The following EMG1 variants were observed in gnomAD, a reference collection of about 807,000 sequenced individuals.
The protein encoded by EMG1 is EMG1 N1-specific pseudouridine methyltransferase, also known as ribosomal RNA small subunit methyltransferase NEP1.
In EMG1, 24 loss-of-function variants were observed where a neutral mutation model predicts 26.9. The observed-to-expected ratio is 0.89, with a 90% CI of 0.65 to 1.26. The LOEUF (loss-of-function observed/expected upper bound fraction) is 1.26. Ranked by LOEUF, EMG1 falls within the 50% of genes most tolerant of loss-of-function variation. EMG1 has a pLI of 0.00. For synonymous variants in EMG1, 140 were observed against 112.6 expected (o/e 1.24, Z -1.54); for missense variants, 299 against 307.6 (o/e 0.97, Z 0.21).
downstream of EMG1, among the ~76,000 whole-genome samples, chr12:6,982,492 A>G (rs1946480137): frequency 6.6e-6 from 1 of 152,160 alleles, no homozygotes; most frequent in African/African-American, 2.4e-5. Flanking sequence ...AAGAGTTACC[A>G]TTACAATCTG....
intron 7 of EMG1, among the ~76,000 whole-genome samples, chr12:6,993,402 C>G (rs1196324360): frequency 6.6e-6 from 1 of 151,688 alleles, no homozygotes; most frequent in Non-Finnish European, 1.5e-5. Flanking sequence ...CCACTGCACT[C>G]CAGCCTGGCA....
downstream of EMG1, chr12:6,981,740 G>T: frequency 7.2e-7 from 1 of 1,391,250 alleles, no homozygotes. Flanking sequence ...GAGGGGGGGT[G>T]CCGAGGAAGT....
At chr12:6,984,298 T>C (rs1318232325), downstream of EMG1, among the ~76,000 whole-genome samples, 1 of 152,234 alleles carries the variant, frequency 6.6e-6, no homozygotes, top group Non-Finnish European at 1.5e-5. Flanking sequence ...TTCTGATGGG[T>C]CATGAACTGA....
intron 1 of EMG1, 141 bp downstream of exon 1, chr12:6,971,232 C>A: frequency 1.5e-6 from 1 of 650,834 alleles, no homozygotes; most frequent in Non-Finnish European, 2.6e-6. Flanking sequence ...GTTGGCTTTG[C>A]GTTGATTTGA....
At chr12:6,974,782 A>C in intron 3 of EMG1, 89 bp downstream of exon 3, 1 of 1,399,896 alleles carries the variant, frequency 7.1e-7, no homozygotes, top group South Asian at 1.2e-5. Flanking sequence ...GTGGATTTTT[A>C]AGCGAGAAAA....
At chr12:6,982,025 T>G, downstream of EMG1, 1 of 643,062 alleles carries the variant, frequency 1.6e-6, no homozygotes, top group Non-Finnish European at 2.8e-6. Flanking sequence ...CTTAATAAAT[T>G]CCTACAAATG....
In EMG1 at chr12:6,978,711, G is replaced by A. The variant is rs1555153658; in HGVS notation, c.*2902G>A. The A allele has an allele frequency of 1.2e-6, 2 of 1,612,750 alleles. No individual in the cohort carries two copies. The highest frequency in any genetic ancestry group is 1.1e-5 in the South Asian group (1 of 90,826). On this transcript the variant is annotated 3_prime_UTR_variant, in exon 6 of 6. Transcript: ENST00000599672. ...GGTTCTTGAGGGAAGAAAGCACAGTGCATTAGGGATATCACATGACTAGGC... is the reference window on the plus strand; with the variant it reads ...GGTTCTTGAGGGAAGAAAGCACAGTACATTAGGGATATCACATGACTAGGC...
Position 6,971,037 on chromosome 12 carries a change from C to A in EMG1, c.114C>A (p.Ile38=). The change falls in exon 1 of 6, where the codon ATC becomes ATA. Residue 38 remains isoleucine, a synonymous_variant. Transcript: ENST00000599672. The part of the protein sequence containing the change: ...KRPRLGAGNK[I]GGRRLIVVLE... ...CCCGACTAGGGGCAGGAAACAAGAT[C>A]GGAGGCCGTAGGCTTATTGTGGTGC... The A allele has an allele frequency of 6.2e-7, 1 of 1,611,494 alleles. No individual in the cohort carries two copies. The highest frequency in any genetic ancestry group is 1.1e-5 in the South Asian group (1 of 90,506).
downstream of EMG1, among the ~76,000 whole-genome samples, chr12:6,990,503 C>T (rs765594925): frequency 1.0e-4 from 15 of 148,246 alleles, no homozygotes; most frequent in South Asian, 4.2e-4. Context: ...AGTGAGACTC[C>T]GCCTCAAAAA....
Position 6,977,813 on chromosome 12 carries a change from G to T in EMG1, c.*2004G>T. 1 of 1,587,394 alleles carries T rather than the reference G, an allele frequency of 6.3e-7. No individual in the cohort carries two copies. Among genetic ancestry groups the T allele is most frequent in the South Asian group, 1.1e-5 (1 of 88,360 alleles). ...CCTTGCATCCCGCCACCTGCCTCTGGGTCCTCACCCTGAGGATTGGATTGG... is the reference window on the plus strand; with the variant it reads ...CCTTGCATCCCGCCACCTGCCTCTGTGTCCTCACCCTGAGGATTGGATTGG... On this transcript the variant is annotated 3_prime_UTR_variant, in exon 6 of 6. Transcript: ENST00000599672. This position sits in a 1 kb window ranked among gnomAD's most constrained non-coding sequence, Gnocchi z 4.5.
downstream of EMG1, chr12:6,981,513 T>C (rs1946470750): frequency 7.3e-7 from 1 of 1,379,104 alleles, no homozygotes; most frequent in Admixed American, 1.7e-5. Flanking sequence ...CGCTCTGGAA[T>C]TTGGGTTCAG....
chr12:6,991,468 G>A (rs148162791), downstream of EMG1, among the ~76,000 whole-genome samples: 1 of 152,130 alleles, frequency 6.6e-6, no homozygotes, highest in African/African-American at 2.4e-5. Flanking sequence ...TCTAAATACT[G>A]ACATATTTCA....
At chr12:6,993,749 T>G (rs1733895152) in intron 7 of EMG1, among the ~76,000 whole-genome samples, 2 of 152,358 alleles carry the variant, frequency 1.3e-5, no homozygotes, top group Admixed American at 1.3e-4. Flanking sequence ...AATATCCCGT[T>G]GTATGGATAC....
At chr12:6,990,122 G>A (rs1428819195), downstream of EMG1, among the ~76,000 whole-genome samples, 5 of 151,494 alleles carry the variant, frequency 3.3e-5, no homozygotes, top group Middle Eastern at 3.2e-3. Flanking sequence ...AAGCTACAAT[G>A]AGCTACGATG....
chr12:6,989,964 G>A (rs1448783748), downstream of EMG1, among the ~76,000 whole-genome samples: 5 of 151,792 alleles, frequency 3.3e-5, no homozygotes, highest in Non-Finnish European at 7.4e-5. Context: ...CTGGAACCCA[G>A]GAGTTTGAGA....
In EMG1 at chr12:6,977,532, A is replaced by C; in HGVS notation, c.*1723A>C. 6.2e-7 allele frequency: 1 copy of C among 1,614,028 alleles called. No individual in the cohort carries two copies. Among genetic ancestry groups the C allele is most frequent in the Non-Finnish European group, 8.5e-7 (1 of 1,179,982 alleles). On this transcript the variant is annotated 3_prime_UTR_variant, in exon 6 of 6. Coordinates refer to ENST00000599672, the MANE Select transcript of EMG1 (RefSeq NM_006331.8). The surrounding 1 kb of genome is among the most constrained non-coding windows in gnomAD (Gnocchi z 4.5). ...CTTGAATGAGCCTGGCAGCCTGGGGAGGGAGGAGGAGCTCATCAGCATCTT... is the reference window on the plus strand; with the variant it reads ...CTTGAATGAGCCTGGCAGCCTGGGGCGGGAGGAGGAGCTCATCAGCATCTT...
At chr12:6,980,470 T>A (rs1481859201), downstream of EMG1, among the ~76,000 whole-genome samples, 1 of 152,104 alleles carries the variant, frequency 6.6e-6, no homozygotes, top group African/African-American at 2.4e-5. Flanking sequence ...ATTCTCCCAC[T>A]TCAGCCTCCT....
downstream of EMG1, among the ~76,000 whole-genome samples, chr12:6,990,916 C>CAAAA (rs59031613): frequency 1.3e-4 from 9 of 68,140 alleles, no homozygotes; most frequent in South Asian, 5.6e-4. Flanking sequence ...GACTCCAAAT[C>CAAAA]AAAAAAAAAA....
rs1591710937 is a variant in EMG1 at position 6,977,939 on chromosome 12, A to G, written c.*2130A>G. 1.1e-5 allele frequency: 7 copies of G among 635,054 alleles called. No homozygotes were observed. Among genetic ancestry groups the G allele is most frequent in the Non-Finnish European group, 1.9e-5 (7 of 372,902 alleles). 39.3% of individuals were successfully genotyped at this position (635,054 alleles called of 1,614,324 possible). A position where few individuals can be genotyped will look rare whatever the true frequency, so the allele number is the denominator to read the frequency against. On this transcript the variant is annotated 3_prime_UTR_variant, in exon 6 of 6. Coordinates refer to ENST00000599672, the MANE Select transcript of EMG1 (RefSeq NM_006331.8). The surrounding 1 kb of genome is among the most constrained non-coding windows in gnomAD (Gnocchi z 4.5). ...AAGCAGACCCAAGGCGGAGCTGGAGACCGTGTGCGCACGAGCCACTTGGTT... is the reference window on the plus strand; with the variant it reads ...AAGCAGACCCAAGGCGGAGCTGGAGGCCGTGTGCGCACGAGCCACTTGGTT...
Sources: allele counts gnomAD v4.1 joint callset (sites outside exome capture counted in the v4.1 genomes callset), GRCh38; gene constraint gnomAD v4.1.1; non-coding constraint Gnocchi (gnomAD v3.1); transcripts MANE v1.5; gene names NCBI Gene and HGNC (gene_info 2026-07-23, HGNC 2026-07-21).